The following NR6A1 variants were observed in gnomAD, a reference collection of about 807,000 sequenced individuals.
NR6A1 encodes nuclear receptor subfamily 6 group A member 1, also known as retinoic acid receptor-related testis-associated receptor.
In NR6A1, 7 loss-of-function variants were observed where a neutral mutation model predicts 59.1. That is an observed-to-expected ratio of 0.12 (90% confidence interval 0.07 to 0.22). The LOEUF is 0.22. Ranked by LOEUF, NR6A1 falls within the 10% of genes least tolerant of loss-of-function variation. NR6A1 has a pLI of 1.00. For missense variants in NR6A1, 468 were observed against 611.6 expected (o/e 0.77, Z 2.48); for synonymous variants, 243 against 236.1 (o/e 1.03, Z -0.27).
At chr9:124,606,442 T>C (rs1408835723) in intron 2 of NR6A1, among the ~76,000 whole-genome samples, 16 of 151,990 alleles carry the variant, frequency 1.1e-4, no homozygotes, top group Non-Finnish European at 1.5e-5. Flanking sequence ...ACTTGATATA[T>C]GTCTGATGGA....
intron 2 of NR6A1, among the ~76,000 whole-genome samples, chr9:124,663,705 C>T (rs767995941): frequency 6.6e-6 from 1 of 152,034 alleles, no homozygotes; most frequent in East Asian, 1.9e-4. Flanking sequence ...ATAGCACAGG[C>T]CATTCTCCAT....
chr9:124,628,216 C>T (rs535888312), intron 2 of NR6A1, among the ~76,000 whole-genome samples: 3 of 152,128 alleles, frequency 2.0e-5, no homozygotes, highest in Non-Finnish European at 4.4e-5. Context: ...TTAGTAGAGA[C>T]GGGGTTTAAC....
intron 2 of NR6A1, among the ~76,000 whole-genome samples, chr9:124,710,564 C>A (rs1284880110): frequency 2.6e-5 from 4 of 152,222 alleles, no homozygotes; most frequent in African/African-American, 9.6e-5. Flanking sequence ...CCCCATGATT[C>A]TCAAGGTATA....
chr9:124,603,581 G>C (rs575068521), intron 2 of NR6A1, among the ~76,000 whole-genome samples: 1 of 152,162 alleles, frequency 6.6e-6, no homozygotes, highest in Admixed American at 6.6e-5. Context: ...CATCAGTGTA[G>C]AACCACCTGT....
chr9:124,625,847 C>A (rs1488340357), intron 2 of NR6A1, among the ~76,000 whole-genome samples: 1 of 152,120 alleles, frequency 6.6e-6, no homozygotes, highest in Non-Finnish European at 1.5e-5. Flanking sequence ...AAAGACCAGC[C>A]TCCCTCCTAC....
chr9:124,572,282 GACTATC>G (rs1303010525), intron 2 of NR6A1, among the ~76,000 whole-genome samples: 2 of 152,212 alleles, frequency 1.3e-5, no homozygotes, highest in Non-Finnish European at 2.9e-5. Flanking sequence ...TTAAACAGAT[GACTATC>G]ACTAGAATTT....
chr9:124,593,842 T>C (rs763051814), intron 2 of NR6A1, among the ~76,000 whole-genome samples: 36 of 152,184 alleles, frequency 2.4e-4, no homozygotes, highest in East Asian at 5.8e-4. Flanking sequence ...TCCAAAGCCC[T>C]TCCCCCACCT....
chr9:124,635,761 C>A (rs899429059), intron 2 of NR6A1, among the ~76,000 whole-genome samples: 1 of 152,184 alleles, frequency 6.6e-6, no homozygotes, highest in African/African-American at 2.4e-5. Flanking sequence ...GTTATCTACT[C>A]TCCTACTGAA....
At chr9:124,733,062 G>GT (rs1376967899) in intron 2 of NR6A1, among the ~76,000 whole-genome samples, 1 of 152,174 alleles carries the variant, frequency 6.6e-6, no homozygotes, top group African/African-American at 2.4e-5. Context: ...GGAGACTGGT[G>GT]TTAAACAGAA....
chr9:124,719,895 T>A (rs1208832762), intron 2 of NR6A1, among the ~76,000 whole-genome samples: 1 of 152,010 alleles, frequency 6.6e-6, no homozygotes, highest in East Asian at 1.9e-4. Flanking sequence ...CACTCCAGCC[T>A]GGGTGACAAA....
intron 2 of NR6A1, among the ~76,000 whole-genome samples, chr9:124,731,744 T>C (rs1335799353): frequency 6.6e-6 from 1 of 152,238 alleles, no homozygotes; most frequent in East Asian, 1.9e-4. Flanking sequence ...ACATGTTCTC[T>C]TCTCTAGTGT....
At chr9:124,599,419 CAAAAAA>C in intron 2 of NR6A1, 2 of 291,472 alleles carry the variant, frequency 6.9e-6, no homozygotes, top group Non-Finnish European at 1.2e-5. Context: ...TACATGGTCT[CAAAAAA>C]AAAAAAAAAA....
At chr9:124,535,787 G>A in intron 7 of NR6A1, 91 bp downstream of exon 7, 2 of 1,493,018 alleles carry the variant, frequency 1.3e-6, no homozygotes, top group Non-Finnish European at 1.8e-6. Flanking sequence ...GAGGTGTAGT[G>A]CCTATCCTCT....
chr9:124,691,093 T>C (rs762063740), intron 2 of NR6A1, among the ~76,000 whole-genome samples: 35 of 152,220 alleles, frequency 2.3e-4, no homozygotes, highest in Non-Finnish European at 2.8e-4. Flanking sequence ...TCGCTTTATA[T>C]TATTGGACCA....
intron 2 of NR6A1, among the ~76,000 whole-genome samples, chr9:124,728,633 TC>T (rs1362371744): frequency 1.7e-5 from 2 of 119,104 alleles, no homozygotes; most frequent in African/African-American, 6.2e-5. Flanking sequence ...AGACTCCGCC[TC>T]AAAAAATAAA....
intron 2 of NR6A1, among the ~76,000 whole-genome samples, chr9:124,685,436 T>C (rs931845463): frequency 6.6e-6 from 1 of 152,278 alleles, no homozygotes; most frequent in African/African-American, 2.4e-5. Flanking sequence ...CAAGCCAATA[T>C]TGCCACCTCA....
At chr9:124,766,660 G>C (rs1156351358) in intron 1 of NR6A1, among the ~76,000 whole-genome samples, 1 of 152,094 alleles carries the variant, frequency 6.6e-6, no homozygotes, top group Non-Finnish European at 1.5e-5. Context: ...ATTATGCATG[G>C]AAAAATACTG....
At chr9:124,566,795 A>C (rs1398786567) in intron 2 of NR6A1, among the ~76,000 whole-genome samples, 1 of 152,250 alleles carries the variant, frequency 6.6e-6, no homozygotes, top group Non-Finnish European at 1.5e-5. Flanking sequence ...AGTGCGGGGC[A>C]AAAGTAATGG....
chr9:124,752,627 A>C (rs1024956749), intron 1 of NR6A1, among the ~76,000 whole-genome samples: 1 of 152,176 alleles, frequency 6.6e-6, no homozygotes, highest in African/African-American at 2.4e-5. Flanking sequence ...TCTAATGAGG[A>C]GGCAAGGGAA....
Sources: allele counts gnomAD v4.1 joint callset (sites outside exome capture counted in the v4.1 genomes callset), GRCh38; gene constraint gnomAD v4.1.1; transcripts MANE v1.5; gene names NCBI Gene and HGNC (gene_info 2026-07-23, HGNC 2026-07-21).